Variants in CLASP1 observed in about 807,000 individuals in gnomAD.
CLASP1 encodes the protein CLIP-associating protein 1.
Under a neutral mutation model 192.3 loss-of-function variants are expected in CLASP1, and 38 were observed. That is an observed-to-expected ratio of 0.20 (90% CI 0.15 to 0.26). The LOEUF (loss-of-function observed/expected upper bound fraction) is 0.26. CLASP1 is among the 10% of genes least tolerant of loss of function. The pLI is 1.00. For synonymous variants in CLASP1, 691 were observed against 712.8 expected, an observed-to-expected ratio of 0.97 and a Z score of 0.49; for missense variants, 1,433 against 1,932.5, an observed-to-expected ratio of 0.74 and a Z score of 4.85.
chr2:121,625,426 C>CTTTTT (rs1559804182), intron 1 of CLASP1, among the ~76,000 whole-genome samples: 2 of 128,278 alleles, frequency 1.6e-5, no homozygotes, highest in Admixed American at 7.7e-5. Context: ...TTCTTTCTTT[C>CTTTTT]ATTTTTTTTT....
chr2:121,469,938 A>G, exon 9 of CLASP1: 1 of 1,610,550 alleles, frequency 6.2e-7, no homozygotes, highest in Non-Finnish European at 8.5e-7. Flanking sequence ...CATCCACAGA[A>G]TCTTCATCGT....
At chr2:121,455,274 G>C (rs919588300) in intron 14 of CLASP1, among the ~76,000 whole-genome samples, 2 of 152,098 alleles carry the variant, frequency 1.3e-5, no homozygotes, top group East Asian at 3.8e-4. Context: ...AGTTATTAAT[G>C]AGATGGATAT....
At chr2:121,527,522 C>T (rs1384176526) in intron 5 of CLASP1, among the ~76,000 whole-genome samples, 3 of 152,092 alleles carry the variant, frequency 2.0e-5, no homozygotes, top group South Asian at 2.1e-4. Context: ...TGAAGGAGCC[C>T]GGCAGTGACT....
At chr2:121,347,293 C>T (rs974615919) in intron 38 of CLASP1, 139 bp from the exon 40 acceptor site, 1 of 624,444 alleles carries the variant, frequency 1.6e-6, no homozygotes, top group Non-Finnish European at 2.9e-6. Context: ...GACCTCAGCC[C>T]CGCAATGGAA....
chr2:121,415,523 C>T (rs1004144276), intron 23 of CLASP1, among the ~76,000 whole-genome samples: 1 of 152,114 alleles, frequency 6.6e-6, no homozygotes, highest in African/African-American at 2.4e-5. Context: ...AAATTCTGTC[C>T]TCATGTGGAT....
chr2:121,645,549 AAGTCACTT>A (rs746380234), intron 1 of CLASP1, among the ~76,000 whole-genome samples: 4 of 152,220 alleles, frequency 2.6e-5, no homozygotes, highest in Non-Finnish European at 5.9e-5. Context: ...TTAGTTATAC[AAGTCACTT>A]AGTCACTTAG....
intron 2 of CLASP1, among the ~76,000 whole-genome samples, chr2:121,546,374 C>G (rs978167915): frequency 6.6e-6 from 1 of 150,936 alleles, no homozygotes; most frequent in South Asian, 2.1e-4. Context: ...GCAGCTCTCA[C>G]GAGAGGAGCG....
chr2:121,455,556 A>G (rs1457338064), intron 14 of CLASP1, among the ~76,000 whole-genome samples: 1 of 152,236 alleles, frequency 6.6e-6, no homozygotes, highest in African/African-American at 2.4e-5. Flanking sequence ...CCAGGCATAC[A>G]AAGACAAATA....
At position 121,648,495 on chromosome 2, in the gene CLASP1, C is replaced by T. The variant is rs527412386; in HGVS notation, c.-286+877G>A. ...AAACTCACCACAGCGTGCTTTCAGA[C>T]TCCACATTAATTTTTTTTAATTTTA... On this transcript the variant is annotated intron_variant, in intron 1 of 39. Coordinates refer to ENST00000263710, the Ensembl canonical transcript of CLASP1. Among the ~76,000 whole-genome samples, 6 of 152,316 alleles carry T rather than the reference C, an allele frequency of 3.9e-5. No individual in the cohort carries two copies. In the South Asian group the frequency reaches 1.2e-3, roughly 32 times the overall value.
chr2:121,397,421 G>C, intron 29 of CLASP1, 138 bp from the exon 31 acceptor site: 1 of 716,140 alleles, frequency 1.4e-6, no homozygotes, highest in Non-Finnish European at 2.3e-6. Context: ...TTTCCACGTG[G>C]AGCGACATCC....
At chr2:121,611,602 T>G (rs1246334079) in intron 1 of CLASP1, among the ~76,000 whole-genome samples, 2,548 of 28,410 alleles carry the variant, frequency 0.09, no homozygotes, top group Admixed American at 0.11. Context: ...GGAGGAGGAG[T>G]TGGAGGAGTT....
intron 2 of CLASP1, among the ~76,000 whole-genome samples, chr2:121,561,973 G>A (rs1327557602): frequency 6.6e-6 from 1 of 152,164 alleles, no homozygotes; most frequent in East Asian, 1.9e-4. Flanking sequence ...CAAGAAAGGG[G>A]CTCAAAACTA....
intron 8 of CLASP1, among the ~76,000 whole-genome samples, chr2:121,471,124 T>TA (rs898101608): frequency 1.3e-5 from 2 of 151,882 alleles, no homozygotes; most frequent in South Asian, 2.1e-4. Context: ...CTCTTAAAAA[T>TA]AAAAAAATGT....
intron 2 of CLASP1, among the ~76,000 whole-genome samples, chr2:121,568,198 G>A (rs1261808321): frequency 6.6e-6 from 1 of 152,124 alleles, no homozygotes. Context: ...GGTGGCTAAT[G>A]ACGTCCAGCC....
At chr2:121,479,752 C>G (rs1419970334) in intron 8 of CLASP1, among the ~76,000 whole-genome samples, 1 of 152,106 alleles carries the variant, frequency 6.6e-6, no homozygotes, top group African/African-American at 2.4e-5. Context: ...GTTATTAGGG[C>G]CGGTTCTACC....
chr2:121,439,231 G>A (rs1003840176), intron 19 of CLASP1, among the ~76,000 whole-genome samples: 7 of 151,838 alleles, frequency 4.6e-5, no homozygotes, highest in Admixed American at 1.3e-4. Context: ...TTCTTTATTA[G>A]TCTTGTTAGC....
intron 2 of CLASP1, among the ~76,000 whole-genome samples, chr2:121,560,855 C>T (rs971228567): frequency 2.0e-5 from 3 of 152,230 alleles, no homozygotes; most frequent in Non-Finnish European, 4.4e-5. Flanking sequence ...CTGCATCAGC[C>T]TCCCAAGTAG....
At chr2:121,553,822 T>C (rs2058265010) in intron 2 of CLASP1, among the ~76,000 whole-genome samples, 1 of 152,220 alleles carries the variant, frequency 6.6e-6, no homozygotes, top group African/African-American at 2.4e-5. Context: ...ATAATTCATA[T>C]AGCAGTATTA....
rs533992570 is a variant in CLASP1, at chr2:121,527,396, T to A, written c.470+403A>T. Among the ~76,000 whole-genome samples the A allele has an allele frequency of 2.0e-5, 3 of 152,326 alleles. No homozygotes were observed. The South Asian group carries it at 6.2e-4, about 32-fold the overall frequency. ...ACTCAAAAGGTTACATATTGTATAA[T>A]TCCATTTACATAACATTCTTGAAAT... On this transcript the variant is annotated intron_variant, in intron 5 of 39. Transcript: ENST00000263710.
Sources: gnomAD v4.1 joint callset for allele counts (sites outside exome capture counted in the v4.1 genomes callset) on GRCh38, gnomAD v4.1.1 for gene constraint, MANE v1.5 for transcripts, NCBI Gene and HGNC (gene_info 2026-07-23, HGNC 2026-07-21) for gene names.